WDPCP: variants seen among roughly 807,000 people sequenced by gnomAD.
WDPCP encodes the protein WD repeat-containing and planar cell polarity effector protein fritz homolog.
Under a neutral mutation model 93.1 loss-of-function variants are expected in WDPCP, and 71 were observed. The observed-to-expected ratio is 0.76, with a 90% CI of 0.63 to 0.93. The LOEUF is 0.93. Among genes scored for constraint, WDPCP ranks in the 40% least tolerant of loss-of-function variants. WDPCP has a pLI of 0.00. For synonymous variants in WDPCP, 315 were observed against 315.0 expected, an observed-to-expected ratio of 1.00 and a Z score of 0.00; for missense variants, 844 against 887.4, an observed-to-expected ratio of 0.95 and a Z score of 0.62.
At chr2:63,806,144 T>C (rs1558915146) in intron 2 of WDPCP, among the ~76,000 whole-genome samples, 1 of 152,068 alleles carries the variant, frequency 6.6e-6, no homozygotes, top group Admixed American at 6.6e-5. Context: ...GGAAAAGAAA[T>C]GTAATCTATC....
chr2:63,743,892 A>G (rs1669759248), intron 2 of WDPCP, among the ~76,000 whole-genome samples: 1 of 152,184 alleles, frequency 6.6e-6, no homozygotes, highest in Non-Finnish European at 1.5e-5. Flanking sequence ...ACACTTGAGT[A>G]GAAATCACAT....
At chr2:63,257,959 A>C (rs1681278736) in intron 14 of WDPCP, among the ~76,000 whole-genome samples, 1 of 152,126 alleles carries the variant, frequency 6.6e-6, no homozygotes, top group South Asian at 2.1e-4. Context: ...AAATGGCTAG[A>C]GGGATAGGGA....
chr2:63,709,163 GT>G, intron 2 of WDPCP, among the ~76,000 whole-genome samples: 1 of 17,500 alleles, frequency 5.7e-5, no homozygotes, highest in South Asian at 1.1e-3. Flanking sequence ...AACCCTGGAG[GT>G]GTGACCCGGG....
chr2:63,241,897 C>T (rs968969492), intron 14 of WDPCP, among the ~76,000 whole-genome samples: 2 of 152,078 alleles, frequency 1.3e-5, no homozygotes, highest in African/African-American at 2.4e-5. Context: ...CACCTAGGCT[C>T]ATGACTTTAA....
Position 63,204,217 on chromosome 2 carries a change from T to C in WDPCP, c.1916-29385A>G, listed in dbSNP as rs183390351. 3.1e-3 allele frequency among the ~76,000 whole-genome samples: 475 copies of C among 152,292 alleles called. 3 individuals are homozygous for C. The highest frequency in any genetic ancestry group is 0.011 in the African/African-American group (454 of 41,564). On this transcript the variant is annotated intron_variant, in intron 14 of 17. Transcript: ENST00000272321. ...TCCACATCCTCACCAGCTTTTCTTATTACCTGTCTTTTGGATAATAGCCAT... is the reference window on the plus strand; with the variant it reads ...TCCACATCCTCACCAGCTTTTCTTACTACCTGTCTTTTGGATAATAGCCAT...
At position 63,566,828 on chromosome 2, in the gene WDPCP, A is replaced by G. The variant is rs113259046; in HGVS notation, c.75+21369T>C. Among the ~76,000 whole-genome samples the G allele has an allele frequency of 1.8e-3, 276 of 152,306 alleles. 1 individual carries two copies. The highest frequency in any genetic ancestry group is 3.2e-3 in the Non-Finnish European group (216 of 68,024). On this transcript the variant is annotated intron_variant, in intron 1 of 17. Transcript: ENST00000272321. ...TGCTGATACTTATGACTGACTAGCT[A>G]TATATTCAAGGGTTCCCACGACCCC...
At chr2:63,833,974 TACACAC>T in the WDPCP span, among the ~76,000 whole-genome samples, 18 of 149,890 alleles carry the variant, frequency 1.2e-4, no homozygotes, top group South Asian at 8.4e-4. Flanking sequence ...TATGCCAACA[TACACAC>T]ACACACACAC....
chr2:63,594,385 A>C, intron 3 of WDPCP: 1 of 913,412 alleles, frequency 1.1e-6, no homozygotes, highest in Non-Finnish European at 1.8e-6. Context: ...AAAATTTTAC[A>C]TTCACTTTTA....
At chr2:63,616,748 T>A (rs557545382) in intron 3 of WDPCP, among the ~76,000 whole-genome samples, 16 of 152,240 alleles carry the variant, frequency 1.1e-4, no homozygotes, top group Admixed American at 9.2e-4. Context: ...ATCATTATTT[T>A]AAAAAGTATA....
intron 1 of WDPCP, among the ~76,000 whole-genome samples, chr2:63,547,295 T>G (rs1036111121): frequency 3.3e-5 from 5 of 152,030 alleles, no homozygotes. Context: ...TAGGCTCAAC[T>G]ATTAAACACT....
At position 63,338,567 on chromosome 2, in the gene WDPCP, AAAATATATATATATATATAT is replaced by A. The variant is rs1409283103; in HGVS notation, c.1749-25276_1749-25257del. Among the ~76,000 whole-genome samples the A allele has an allele frequency of 1.7e-3, 19 of 10,986 alleles. 4 individuals are homozygous for A. The highest frequency in any genetic ancestry group is 7.2e-3 in the East Asian group (1 of 138). 7.2% of individuals were successfully genotyped at this position (10,986 alleles called of 152,430 possible). ...AACTCCATCTAAAAAAAAAAAAAAA[AAAATATATATATATATATAT>A]ATATATATATATATATATATATATA... is the stretch of plus-strand genomic sequence containing the variant. On this transcript the variant is annotated intron_variant, in intron 12 of 17. Coordinates refer to ENST00000272321, the MANE Select transcript of WDPCP (RefSeq NM_015910.7).
chr2:63,362,766 G>A (rs1437330511), intron 12 of WDPCP, among the ~76,000 whole-genome samples: 2 of 152,078 alleles, frequency 1.3e-5, no homozygotes, highest in South Asian at 2.1e-4. Flanking sequence ...CTAGGGTCAA[G>A]TGATCCTCCT....
At chr2:63,464,783 A>G (rs1699235532) in intron 6 of WDPCP, among the ~76,000 whole-genome samples, 1 of 152,162 alleles carries the variant, frequency 6.6e-6, no homozygotes, top group Non-Finnish European at 1.5e-5. Flanking sequence ...CCAGTCAGTA[A>G]CAAAAAGATA....
At chr2:63,575,412 A>G (rs373054522) in intron 1 of WDPCP, among the ~76,000 whole-genome samples, 699 of 19,756 alleles carry the variant, frequency 0.035, 89 homozygotes, top group African/African-American at 0.052. Flanking sequence ...TATATACAGT[A>G]TATACACTGT....
chr2:63,737,362 A>G (rs568002973), intron 2 of WDPCP, among the ~76,000 whole-genome samples: 1 of 152,330 alleles, frequency 6.6e-6, no homozygotes, highest in Admixed American at 6.5e-5. Context: ...GAAGATTAGC[A>G]AACACCAACT....
intron 1 of WDPCP, among the ~76,000 whole-genome samples, chr2:63,524,380 G>A (rs1290818695): frequency 6.6e-6 from 1 of 152,100 alleles, no homozygotes; most frequent in East Asian, 1.9e-4. Flanking sequence ...TAACCAAACA[G>A]CATGGTACTA....
rs1472975638 is a variant in WDPCP, at chr2:63,121,968, T to A, written c.*38A>T. 6 of 1,612,452 alleles carry A rather than the reference T, an allele frequency of 3.7e-6. No individual in the cohort carries two copies. ...AGTCTGTATCAGGCCATGAAAAGTTTAGATATGAAGAAGGCAGTTTTCTTT... is the reference window on the plus strand; with the variant it reads ...AGTCTGTATCAGGCCATGAAAAGTTAAGATATGAAGAAGGCAGTTTTCTTT... On this transcript the variant is annotated 3_prime_UTR_variant, in exon 18 of 18. Coordinates refer to ENST00000272321, the MANE Select transcript of WDPCP (RefSeq NM_015910.7).
At chr2:63,610,472 T>C (rs1227166943) in intron 3 of WDPCP, among the ~76,000 whole-genome samples, 1 of 152,026 alleles carries the variant, frequency 6.6e-6, no homozygotes, top group African/African-American at 2.4e-5. Flanking sequence ...ATAAAAGTTA[T>C]ATATACATTA....
At chr2:63,274,446 C>A (rs1682917686) in intron 13 of WDPCP, among the ~76,000 whole-genome samples, 2 of 151,798 alleles carry the variant, frequency 1.3e-5, no homozygotes, top group Admixed American at 1.3e-4. Context: ...AAACAAAACC[C>A]AAAATTAGTA....
Sources: gnomAD v4.1 joint callset for allele counts (sites outside exome capture counted in the v4.1 genomes callset) on GRCh38, gnomAD v4.1.1 for gene constraint, MANE v1.5 for transcripts, NCBI Gene and HGNC (gene_info 2026-07-23, HGNC 2026-07-21) for gene names.